FAM240B: variants seen among roughly 807,000 people sequenced by gnomAD.
FAM240B encodes the protein protein FAM240B.
chr9:38,718,902 G>GT (rs71365910), intron 1 of FAM240B, among the ~76,000 whole-genome samples: 37,320 of 151,842 alleles, frequency 0.25, 5,317 homozygotes, highest in Middle Eastern at 0.33. Flanking sequence ...ACATTTTGAT[G>GT]TTTTTTATTT....
chr9:38,716,017 G>A (rs1001697910), intron 1 of FAM240B, among the ~76,000 whole-genome samples: 18 of 152,194 alleles, frequency 1.2e-4, no homozygotes, highest in African/African-American at 4.3e-4. Flanking sequence ...AGGTCCTTAA[G>A]CTCATTCTGC....
intron 2 of FAM240B, among the ~76,000 whole-genome samples, chr9:38,695,686 T>A (rs1209778048): frequency 2.6e-5 from 4 of 152,196 alleles, no homozygotes; most frequent in African/African-American, 9.7e-5. Flanking sequence ...CCAGCAAGAA[T>A]TTTCTGTAGC....
At chr9:38,695,387 G>A (rs998476050) in intron 2 of FAM240B, among the ~76,000 whole-genome samples, 1 of 152,156 alleles carries the variant, frequency 6.6e-6, no homozygotes, top group Non-Finnish European at 1.5e-5. Context: ...TTAGCTGGGC[G>A]TGGTGGCGGT....
chr9:38,717,533 T>G (rs370547190), intron 1 of FAM240B, among the ~76,000 whole-genome samples: 6 of 152,210 alleles, frequency 3.9e-5, no homozygotes, highest in African/African-American at 9.6e-5. Context: ...CAGGCTGGAG[T>G]GCAGTGGCGC....
intron 1 of FAM240B, among the ~76,000 whole-genome samples, chr9:38,711,891 C>T (rs773001521): frequency 1.4e-4 from 22 of 151,984 alleles, no homozygotes; most frequent in Non-Finnish European, 2.9e-4. Context: ...CTCCTGACCT[C>T]GTGATCCGCC....
At chr9:38,710,952 C>T (rs1226402521) in intron 1 of FAM240B, among the ~76,000 whole-genome samples, 3 of 152,142 alleles carry the variant, frequency 2.0e-5, no homozygotes, top group Non-Finnish European at 2.9e-5. Context: ...ACCCAACTCC[C>T]AAGCCCGTGT....
intron 1 of FAM240B, chr9:38,705,481 C>T (rs970421445): frequency 6.7e-6 from 1 of 149,900 alleles, no homozygotes; most frequent in Non-Finnish European, 1.5e-5. Context: ...CCCAGCTACT[C>T]GGGAGGCTGA....
intron 2 of FAM240B, among the ~76,000 whole-genome samples, chr9:38,703,323 T>A (rs1443019648): frequency 6.6e-6 from 1 of 152,200 alleles, no homozygotes; most frequent in Non-Finnish European, 1.5e-5. Flanking sequence ...GACCAACCGA[T>A]CTCAAGTCTG....
intron 1 of FAM240B, among the ~76,000 whole-genome samples, chr9:38,718,554 T>C (rs1319006117): frequency 1.3e-5 from 2 of 152,196 alleles, no homozygotes; most frequent in Non-Finnish European, 2.9e-5. Context: ...CAATTGGCTT[T>C]TCTAACTCAA....
chr9:38,712,838 G>A (rs1821270582), intron 1 of FAM240B, among the ~76,000 whole-genome samples: 1 of 151,822 alleles, frequency 6.6e-6, no homozygotes, highest in African/African-American at 2.4e-5. Flanking sequence ...ATCAGTCAGT[G>A]CTGATACTGG....
chr9:38,718,993 G>A (rs1374315685), intron 1 of FAM240B, among the ~76,000 whole-genome samples: 1 of 152,106 alleles, frequency 6.6e-6, no homozygotes, highest in East Asian at 1.9e-4. Flanking sequence ...TCATCTGTGA[G>A]TTGAGGTGTT....
At chr9:38,717,306 C>T (rs13296200) in intron 1 of FAM240B, among the ~76,000 whole-genome samples, 1 of 152,106 alleles carries the variant, frequency 6.6e-6, no homozygotes, top group South Asian at 2.1e-4. Context: ...TTTGGCCGGG[C>T]GCAGTGGCTC....
chr9:38,707,317 C>A (rs55830979), intron 1 of FAM240B, among the ~76,000 whole-genome samples: 3 of 152,184 alleles, frequency 2.0e-5, no homozygotes, highest in Admixed American at 6.5e-5. Flanking sequence ...CACATCCGCA[C>A]GGCATTTTAC....
At chr9:38,701,304 A>C (rs1404077863) in intron 2 of FAM240B, among the ~76,000 whole-genome samples, 1 of 152,156 alleles carries the variant, frequency 6.6e-6, no homozygotes, top group Non-Finnish European at 1.5e-5. Flanking sequence ...TTACTTTGTT[A>C]GGACAATGTT....
At position 38,711,975 on chromosome 9, in the gene FAM240B, A is replaced by T. The variant is rs147986002; in HGVS notation, c.-3-7973T>A. Among the ~76,000 whole-genome samples the T allele has an allele frequency of 3.0e-3, 464 of 152,206 alleles. 2 individuals are homozygous for T. Among genetic ancestry groups the T allele is most frequent in the Non-Finnish European group, 2.6e-3 (175 of 68,026 alleles). Reference sequence around the variant, plus strand: ...TTCCCCTCCAAAATTCCATCAGGCTACTTGAATTTCAGTCTTGAGTCCCTC... The same window carrying T: ...TTCCCCTCCAAAATTCCATCAGGCTTCTTGAATTTCAGTCTTGAGTCCCTC... On this transcript the variant is annotated intron_variant, in intron 1 of 2. Coordinates refer to ENST00000637493, the MANE Select transcript of FAM240B (RefSeq NM_001394922.1).
At chr9:38,713,591 G>C (rs10814744) in intron 1 of FAM240B, among the ~76,000 whole-genome samples, 1 of 151,440 alleles carries the variant, frequency 6.6e-6, no homozygotes, top group Non-Finnish European at 1.5e-5. Flanking sequence ...ACTGGAACAC[G>C]GACAATTACA....
At chr9:38,715,134 A>G (rs1821292942) in intron 1 of FAM240B, among the ~76,000 whole-genome samples, 3 of 152,234 alleles carry the variant, frequency 2.0e-5, no homozygotes, top group Admixed American at 6.5e-5. Context: ...ACAGGAATTA[A>G]GGAGCATTGT....
intron 1 of FAM240B, among the ~76,000 whole-genome samples, chr9:38,704,625 C>T (rs980198553): frequency 1.3e-5 from 2 of 152,160 alleles, no homozygotes; most frequent in Non-Finnish European, 2.9e-5. Context: ...AGATGCACAT[C>T]ATCAACAAAA....
intron 2 of FAM240B, among the ~76,000 whole-genome samples, chr9:38,702,105 C>A (rs748235926): frequency 6.6e-6 from 1 of 152,186 alleles, no homozygotes; most frequent in East Asian, 1.9e-4. Context: ...TGGGATCTGG[C>A]TTCCAGTGGG....
Sources: allele counts gnomAD v4.1 joint callset (sites outside exome capture counted in the v4.1 genomes callset), GRCh38; gene constraint gnomAD v4.1.1; transcripts MANE v1.5; gene names NCBI Gene and HGNC (gene_info 2026-07-23, HGNC 2026-07-21).